Variants in PPP2R3A observed in about 807,000 individuals in gnomAD.
PPP2R3A encodes the protein protein phosphatase 2 regulatory subunit B''alpha, also known as serine/threonine-protein phosphatase 2A regulatory subunit B'' subunit alpha.
A neutral mutation model predicts 106.9 loss-of-function variants in PPP2R3A; 80 were observed. The observed-to-expected ratio is 0.75, with a 90% confidence interval of 0.62 to 0.90. PPP2R3A has a LOEUF of 0.90. PPP2R3A is among the 40% of genes least tolerant of loss of function. The pLI is 0.00. For missense variants in PPP2R3A, 1,386 were observed against 1,350.4 expected (o/e 1.03, Z -0.41); for synonymous variants, 483 against 468.3 (o/e 1.03, Z -0.41).
chr3:136,101,696 G>A (rs1177589297), intron 10 of PPP2R3A, among the ~76,000 whole-genome samples: 2 of 152,166 alleles, frequency 1.3e-5, no homozygotes, highest in Admixed American at 1.3e-4. Flanking sequence ...AAAGTGCTGG[G>A]ATTACAGGCA....
intron 13 of PPP2R3A, among the ~76,000 whole-genome samples, chr3:136,117,591 G>C (rs2102199): frequency 0.33 from 50,765 of 151,968 alleles, 9,080 homozygotes; most frequent in African/African-American, 0.44. Flanking sequence ...TCAGAGAATA[G>C]TATAAACACC....
intron 5 of PPP2R3A, among the ~76,000 whole-genome samples, chr3:136,064,972 C>T (rs1936215696): frequency 6.6e-6 from 1 of 151,814 alleles, no homozygotes; most frequent in Admixed American, 6.6e-5. Context: ...AAAAAACCTG[C>T]ACAACATAAA....
intron 1 of PPP2R3A, among the ~76,000 whole-genome samples, chr3:135,969,244 T>C (rs1937173092): frequency 6.6e-6 from 1 of 152,156 alleles, no homozygotes; most frequent in African/African-American, 2.4e-5. Flanking sequence ...TTAAGGTTAC[T>C]GTGGATAACA....
chr3:135,997,212 A>C (rs1933436795), intron 1 of PPP2R3A, among the ~76,000 whole-genome samples: 1 of 152,146 alleles, frequency 6.6e-6, no homozygotes, highest in South Asian at 2.1e-4. Flanking sequence ...ACTTTTTTTG[A>C]CACCAAGTCC....
At chr3:136,062,129 A>C (rs1936098197) in intron 5 of PPP2R3A, among the ~76,000 whole-genome samples, 1 of 152,206 alleles carries the variant, frequency 6.6e-6, no homozygotes, top group Non-Finnish European at 1.5e-5. Context: ...TGAGGTTCAC[A>C]TAAACCTGAT....
At chr3:136,023,221 T>TGTTTC in intron 2 of PPP2R3A, 1 of 1,528,660 alleles carries the variant, frequency 6.5e-7, no homozygotes, top group Admixed American at 2.0e-5. Context: ...TTGGGTGTTT[T>TGTTTC]GTTTTGTTTT....
chr3:136,138,751 A>C (rs561825234), intron 13 of PPP2R3A, among the ~76,000 whole-genome samples: 2 of 87,476 alleles, frequency 2.3e-5, no homozygotes, highest in African/African-American at 4.8e-5. Flanking sequence ...CGCTCTTGTC[A>C]TCCAGGCTGG....
intron 13 of PPP2R3A, among the ~76,000 whole-genome samples, chr3:136,142,447 T>C (rs2108038871): frequency 6.6e-6 from 1 of 152,262 alleles, no homozygotes; most frequent in African/African-American, 2.4e-5. Flanking sequence ...AGGAGGGTTA[T>C]TGAATGAACT....
intron 11 of PPP2R3A, 66 bp from the exon 12 acceptor site, chr3:136,103,192 A>C: frequency 3.1e-6 from 3 of 966,382 alleles, no homozygotes; most frequent in Non-Finnish European, 4.7e-6. Flanking sequence ...GATGTCAGGG[A>C]AAGTTTTTTC....
At chr3:136,102,405 G>A (rs1358998777) in intron 11 of PPP2R3A, among the ~76,000 whole-genome samples, 1 of 140,566 alleles carries the variant, frequency 7.1e-6, no homozygotes, top group Non-Finnish European at 1.5e-5. Flanking sequence ...GGAGTACAAT[G>A]GTGTGATCTC....
chr3:136,088,324 C>A (rs922331875), intron 9 of PPP2R3A, among the ~76,000 whole-genome samples: 1 of 152,232 alleles, frequency 6.6e-6, no homozygotes, highest in Non-Finnish European at 1.5e-5. Context: ...GTATTAGCTT[C>A]CACTTACAAG....
At chr3:135,976,081 A>T (rs1334280764) in intron 1 of PPP2R3A, among the ~76,000 whole-genome samples, 2 of 152,194 alleles carry the variant, frequency 1.3e-5, no homozygotes, top group African/African-American at 4.8e-5. Context: ...CATAGCAGAG[A>T]CTGCTGGTTA....
At chr3:136,000,378 A>G (rs192474418) in intron 1 of PPP2R3A, among the ~76,000 whole-genome samples, 1 of 152,320 alleles carries the variant, frequency 6.6e-6, no homozygotes, top group Admixed American at 6.5e-5. Context: ...ACTACAGTAT[A>G]TTTTAAAAGC....
intron 13 of PPP2R3A, among the ~76,000 whole-genome samples, chr3:136,129,288 A>C (rs1367326138): frequency 1.3e-5 from 2 of 152,214 alleles, no homozygotes; most frequent in Non-Finnish European, 2.9e-5. Context: ...ACTAATAAGA[A>C]AGGAGAGAAG....
intron 1 of PPP2R3A, among the ~76,000 whole-genome samples, chr3:135,985,383 CCT>C (rs1251756890): frequency 1.2e-5 from 1 of 81,642 alleles, no homozygotes; most frequent in Non-Finnish European, 3.2e-5. Context: ...TTCCTCTCTC[CCT>C]CTCTCCCTCT....
chr3:136,090,948 A>C (rs1937080685), intron 10 of PPP2R3A, among the ~76,000 whole-genome samples: 1 of 152,226 alleles, frequency 6.6e-6, no homozygotes, highest in African/African-American at 2.4e-5. Flanking sequence ...GGAATATGGG[A>C]ATAGATGCTA....
intron 2 of PPP2R3A, among the ~76,000 whole-genome samples, chr3:136,015,844 T>G (rs1022850781): frequency 5.3e-5 from 8 of 152,170 alleles, no homozygotes; most frequent in African/African-American, 1.9e-4. Context: ...TTGTTATTTC[T>G]TTTCTTTTGC....
intron 6 of PPP2R3A, among the ~76,000 whole-genome samples, chr3:136,076,411 T>G (rs911397933): frequency 2.0e-5 from 3 of 152,182 alleles, no homozygotes; most frequent in Non-Finnish European, 2.9e-5. Context: ...TGTTTTGTGG[T>G]TTTTGCACAT....
intron 7 of PPP2R3A, among the ~76,000 whole-genome samples, chr3:136,079,675 G>T (rs1305592959): frequency 6.6e-6 from 1 of 151,772 alleles, no homozygotes; most frequent in African/African-American, 2.4e-5. Context: ...CCGAAGTCCT[G>T]GGATTACAAG....
Sources: gnomAD v4.1 joint callset for allele counts (sites outside exome capture counted in the v4.1 genomes callset) on GRCh38, gnomAD v4.1.1 for gene constraint, MANE v1.5 for transcripts, NCBI Gene and HGNC (gene_info 2026-07-23, HGNC 2026-07-21) for gene names.